The following SARDH variants were observed in gnomAD, a reference collection of about 807,000 sequenced individuals.
The protein encoded by SARDH is sarcosine dehydrogenase, also known as sarcosine dehydrogenase, mitochondrial.
In SARDH, 95 loss-of-function variants were observed where a neutral mutation model predicts 109.1. The observed-to-expected ratio is 0.87, with a 90% CI of 0.74 to 1.03. SARDH has a LOEUF of 1.03. SARDH is among the 50% of genes least tolerant of loss of function. The probability of loss-of-function intolerance (pLI) is 0.00; values close to 1 mark genes in which losing one functional copy is unlikely to be tolerated. For missense variants in SARDH, 1,267 were observed against 1,287.8 expected (o/e 0.98, Z 0.25); for synonymous variants, 572 against 534.8 (o/e 1.07, Z -0.96).
intron 6 of SARDH, chr9:133,725,268 TAC>T (rs1043751535): frequency 3.5e-4 from 61 of 174,776 alleles, no homozygotes; most frequent in African/African-American, 7.6e-4. Flanking sequence ...AAGATAATGT[TAC>T]ACACACACAC....
In SARDH at chr9:133,694,311, A is replaced by G; in HGVS notation, c.1868T>C (p.Val623Ala). The G allele has an allele frequency of 6.4e-7, 1 of 1,550,534 alleles. No individual in the cohort carries two copies. The highest frequency in any genetic ancestry group is 8.7e-7 in the Non-Finnish European group (1 of 1,146,908). The change falls in exon 15 of 21, where the codon GTC (valine) becomes GCC (alanine). Residue 623 changes from valine (V) to alanine (A), a missense_variant. By Grantham distance (64) the Val-to-Ala change is moderately conservative (BLOSUM62 0). Coordinates refer to ENST00000439388, the MANE Select transcript of SARDH (RefSeq NM_001134707.2). ...HRGGTESDLT[V>A]SRLAPSHQAS... ...CTGGTGGCTGGGTGCCAGGCGGCTG[A>G]CAGTCAGGTCACTCTCGGTGCCCCC... is the stretch of plus-strand genomic sequence containing the variant.
In SARDH at chr9:133,733,908, C is replaced by T. The variant is rs749158223; in HGVS notation, c.266G>A (p.Gly89Asp). 2 of 1,551,146 alleles carry T rather than the reference C, an allele frequency of 1.3e-6. No homozygotes were observed. Among genetic ancestry groups the T allele is most frequent in the African/African-American group, 1.4e-5 (1 of 73,512 alleles). ...CQTLYHLAKLGMSGAVLLERE... is the reference protein window; with the variant it reads ...CQTLYHLAKLDMSGAVLLERE... ...CTCCAGCAGCACCGCCCCACTCATG[C>T]CCAGCTTGGCCAGGTGGTACAGGGT... Residue 89 changes from glycine (G) to aspartate (D), a missense_variant, in exon 2 of 21, where the codon GGC becomes GAC. Gly to Asp is a moderately conservative substitution (Grantham distance 94). Transcript: ENST00000439388.
At chr9:133,667,125 C>A in intron 19 of SARDH, 1 of 588,312 alleles carries the variant, frequency 1.7e-6, no homozygotes, top group East Asian at 2.8e-5. Flanking sequence ...TTTGCTGTTT[C>A]CAGAAGCGAG....
chr9:133,660,465 T>C (rs1832398614), downstream of SARDH, among the ~76,000 whole-genome samples: 1 of 152,142 alleles, frequency 6.6e-6, no homozygotes, highest in Non-Finnish European at 1.5e-5. Context: ...AAGTTCCTTA[T>C]TTAGAGGCTT....
In SARDH at chr9:133,690,475, G is replaced by A; in HGVS notation, c.1974C>T (p.Ser658=). Residue 658 remains serine (S), a synonymous_variant, in exon 16 of 21, where the codon TCC becomes TCT. Transcript: ENST00000439388. ...GGTCCTGCAGCACGGTGGTGATGTG[G>A]GACCAGTTGTGCTGGGCCACGGCCC... ...MGGAVAQHNW[S]HITTVLQDQK... 1 of 1,611,862 alleles carries A rather than the reference G, an allele frequency of 6.2e-7. No individual in the cohort carries two copies. Among genetic ancestry groups the A allele is most frequent in the Non-Finnish European group, 8.5e-7 (1 of 1,179,856 alleles).
At chr9:133,727,222 A>C in intron 6 of SARDH, among the ~76,000 whole-genome samples, 1 of 152,212 alleles carries the variant, frequency 6.6e-6, no homozygotes, top group Middle Eastern at 3.2e-3. Flanking sequence ...TCTAGGACCC[A>C]GGCCTGGGAC....
At chr9:133,710,907 G>A (rs1039538040) in intron 10 of SARDH, among the ~76,000 whole-genome samples, 1 of 152,226 alleles carries the variant, frequency 6.6e-6, no homozygotes, top group Non-Finnish European at 1.5e-5. Flanking sequence ...GCTTGGCAGG[G>A]GTCTGGGACC....
rs1829964047 is a variant in SARDH at position 133,663,878 on chromosome 9, G to T, written c.*11C>A. On this transcript the variant is annotated 3_prime_UTR_variant, in exon 21 of 21. Coordinates refer to ENST00000439388, the MANE Select transcript of SARDH (RefSeq NM_001134707.2). ...ATGGACAGCATGGGATGGGGCATGT[G>T]GTCTGAGCCCTCAGTAGATTCCCTT... The T allele has an allele frequency of 6.2e-7, 1 of 1,613,954 alleles. No individual in the cohort carries two copies. The highest frequency in any genetic ancestry group is 1.7e-5 in the Admixed American group (1 of 60,016).
At chr9:133,669,705 G>A (rs113896580) in intron 19 of SARDH, among the ~76,000 whole-genome samples, 262 of 152,306 alleles carry the variant, frequency 1.7e-3, no homozygotes, top group African/African-American at 6.0e-3. Flanking sequence ...CGTGTGACTG[G>A]GCGTGAGTCC....
intron 13 of SARDH, among the ~76,000 whole-genome samples, chr9:133,698,049 CTAA>C (rs1478449775): frequency 1.9e-5 from 2 of 107,996 alleles, no homozygotes; most frequent in African/African-American, 6.9e-5. Flanking sequence ...ACTGTTAGAA[CTAA>C]TAAAATAGTT....
At chr9:133,738,497 G>A (rs1343861877), upstream of SARDH, 2 of 152,306 alleles carry the variant, frequency 1.3e-5, no homozygotes, top group African/African-American at 2.4e-5. Flanking sequence ...CTCTGAGGGC[G>A]GCAGAGCAGG....
chr9:133,687,206 G>A (rs1188648470), intron 16 of SARDH, among the ~76,000 whole-genome samples: 3 of 152,224 alleles, frequency 2.0e-5, no homozygotes, highest in Non-Finnish European at 2.9e-5. Context: ...TGACCACAGC[G>A]ATGGCCAGTT....
At chr9:133,679,935 G>A (rs1038689701) in intron 17 of SARDH, among the ~76,000 whole-genome samples, 7 of 152,254 alleles carry the variant, frequency 4.6e-5, no homozygotes, top group Admixed American at 2.6e-4. Flanking sequence ...CAGAGGTTCC[G>A]CTGACTGCGC....
In SARDH at chr9:133,667,095, C is replaced by T. The variant is rs73662176; in HGVS notation, c.2496-225G>A. ...GTGAGTAAAAGGGATGAATAGAAAA[C>T]ATCAAAACCAGGAGTGGACTTTGCT... On this transcript the variant is annotated intron_variant, in intron 19 of 20. Coordinates refer to ENST00000439388, the MANE Select transcript of SARDH (RefSeq NM_001134707.2). 5.2e-3 allele frequency: 3,156 copies of T among 605,922 alleles called. 96 individuals are homozygous for T. Among genetic ancestry groups the T allele is most frequent in the African/African-American group, 0.052 (2,802 of 54,044 alleles). 37.5% of individuals were successfully genotyped at this position (605,922 alleles called of 1,614,324 possible).
Position 133,696,144 on chromosome 9 carries a change from G to A in SARDH, c.1807+79C>T, listed in dbSNP as rs896691272. The A allele has an allele frequency of 1.1e-5, 18 of 1,569,212 alleles. No individual in the cohort carries two copies. In the African/African-American group the frequency reaches 2.4e-4, roughly 21 times the overall value. ...CTCAGGGTGCCCGAGGGGACAGGGT[G>A]GCTTGCCAGCTCATCTCAGTGCCTG... On this transcript the variant is annotated intron_variant, in intron 14 of 20. Coordinates refer to ENST00000439388, the MANE Select transcript of SARDH (RefSeq NM_001134707.2).
intron 6 of SARDH, among the ~76,000 whole-genome samples, chr9:133,723,092 G>T (rs185637419): frequency 2.0e-5 from 3 of 152,206 alleles, no homozygotes; most frequent in Admixed American, 6.5e-5. Flanking sequence ...TGCAAAACTT[G>T]TACTCTAAAA....
At chr9:133,717,134 G>A (rs1463055821) in intron 8 of SARDH, among the ~76,000 whole-genome samples, 192 bp downstream of exon 8, 1 of 152,180 alleles carries the variant, frequency 6.6e-6, no homozygotes, top group Non-Finnish European at 1.5e-5. Context: ...TGAAGCCCAG[G>A]CCTCTCGCCC....
intron 17 of SARDH, among the ~76,000 whole-genome samples, chr9:133,678,515 T>C (rs1041837680): frequency 8.0e-4 from 122 of 152,340 alleles, no homozygotes; most frequent in African/African-American, 2.8e-3. Flanking sequence ...CCTTCCCCAC[T>C]TTTCTGGGGA....
At chr9:133,703,987 C>T (rs545163287) in intron 12 of SARDH, among the ~76,000 whole-genome samples, 17 of 152,132 alleles carry the variant, frequency 1.1e-4, no homozygotes, top group African/African-American at 3.9e-4. Context: ...TCTCCTCGCC[C>T]AGGGACAGGG....
Sources: gnomAD v4.1 joint callset for allele counts (sites outside exome capture counted in the v4.1 genomes callset) on GRCh38, gnomAD v4.1.1 for gene constraint, MANE v1.5 for transcripts, NCBI Gene and HGNC (gene_info 2026-07-23, HGNC 2026-07-21) for gene names.